FAM227A: variants seen among roughly 807,000 people sequenced by gnomAD.
The protein encoded by FAM227A is protein FAM227A.
Under a neutral mutation model 74.7 loss-of-function variants are expected in FAM227A, and 80 were observed. The observed-to-expected ratio is 1.07, with a 90% CI of 0.89 to 1.29. The LOEUF (loss-of-function observed/expected upper bound fraction) is 1.29. Among genes scored for constraint, FAM227A ranks in the 50% most tolerant of loss-of-function variants. The pLI, the probability that FAM227A is intolerant of heterozygous loss-of-function variation, is 0.00. For missense variants in FAM227A, 654 were observed against 683.4 expected, an observed-to-expected ratio of 0.96 and a Z score of 0.48; for synonymous variants, 237 against 241.8, an observed-to-expected ratio of 0.98 and a Z score of 0.19.
chr22:38,632,682 T>C (rs2091937148), intron 6 of FAM227A, among the ~76,000 whole-genome samples: 1 of 151,762 alleles, frequency 6.6e-6, no homozygotes, highest in Admixed American at 6.6e-5. Flanking sequence ...AGAACATGGG[T>C]GATAAAGGGG....
intron 13 of FAM227A, among the ~76,000 whole-genome samples, chr22:38,601,027 T>C (rs1290001721): frequency 1.3e-5 from 2 of 151,868 alleles, no homozygotes; most frequent in Admixed American, 1.3e-4. Flanking sequence ...AAAACGTTAA[T>C]AATTCATTCA....
intron 3 of FAM227A, among the ~76,000 whole-genome samples, chr22:38,642,912 G>A (rs2092146691): frequency 6.6e-6 from 1 of 151,966 alleles, no homozygotes; most frequent in Non-Finnish European, 1.5e-5. Flanking sequence ...CTCTAGCCTG[G>A]GTGACAGAGT....
rs1396714307 is a variant in FAM227A, at chr22:38,650,179, C to G, written c.-11G>C. On this transcript the variant is annotated 5_prime_UTR_variant, in exon 2 of 17. Coordinates refer to ENST00000535113, the MANE Select transcript of FAM227A (RefSeq NM_001013647.2). ...CCTGAAGTGATTCATTGTCCAATTT[C>G]TTGTAAATGGACAAACAAAAAGCTT... 6.4e-7 allele frequency: 1 copy of G among 1,550,858 alleles called. No individual in the cohort carries two copies.
At position 38,585,870 on chromosome 22, in the gene FAM227A, C is replaced by T; in HGVS notation, c.*255G>A. 1.3e-6 allele frequency: 1 copy of T among 775,492 alleles called. No homozygotes were observed. Among genetic ancestry groups the T allele is most frequent in the South Asian group, 2.2e-5 (1 of 46,184 alleles). 48.0% of individuals were successfully genotyped at this position (775,492 alleles called of 1,614,324 possible). On this transcript the variant is annotated 3_prime_UTR_variant, in exon 17 of 17. Transcript: ENST00000535113. The stretch of plus-strand genomic sequence containing the variant: ...TGTATGAGGTCATATTTGTAACATA[C>T]TTACCAGCATGCACGTAATAAAATA...
intron 3 of FAM227A, among the ~76,000 whole-genome samples, chr22:38,642,752 A>G (rs1435515376): frequency 6.6e-6 from 1 of 151,962 alleles, no homozygotes; most frequent in Non-Finnish European, 1.5e-5. Flanking sequence ...CCTGGCCAAC[A>G]TGGTGAAACC....
chr22:38,646,294 C>T (rs1293233225), intron 2 of FAM227A, among the ~76,000 whole-genome samples: 58 of 119,528 alleles, frequency 4.9e-4, no homozygotes, highest in African/African-American at 1.8e-3. Flanking sequence ...GAGTCTCGCT[C>T]TGTCGCCCAG....
chr22:38,622,872 T>TC (rs2091719973), intron 10 of FAM227A, among the ~76,000 whole-genome samples: 2 of 49,290 alleles, frequency 4.1e-5, no homozygotes, highest in Non-Finnish European at 6.5e-5. Context: ...CAAGACTGTC[T>TC]CAAAAAAAAA....
intron 1 of FAM227A, among the ~76,000 whole-genome samples, chr22:38,653,611 G>A (rs868498663): frequency 5.3e-5 from 8 of 151,932 alleles, no homozygotes; most frequent in Admixed American, 1.3e-4. Context: ...TCCTGACCTC[G>A]TGATCTGCCT....
chr22:38,587,359 T>G lies in FAM227A; in HGVS notation c.1639-1160A>C, dbSNP rs1039651971. On this transcript the variant is annotated intron_variant, in intron 16 of 16. Coordinates refer to ENST00000535113, the MANE Select transcript of FAM227A (RefSeq NM_001013647.2). Reference sequence around the variant, plus strand: ...TAGTTATCAACAAAATTAACAAACTTTGAGTTTGAATGACTACCAAGAAAA... The same window carrying G: ...TAGTTATCAACAAAATTAACAAACTGTGAGTTTGAATGACTACCAAGAAAA... Among the ~76,000 whole-genome samples, 3 of 152,038 alleles carry G rather than the reference T, an allele frequency of 2.0e-5. No homozygotes were observed. The South Asian group carries it at 6.2e-4, about 32-fold the overall frequency.
At position 38,645,578 on chromosome 22, in the gene FAM227A, C is replaced by A. The variant is rs368702090; in HGVS notation, c.210G>T (p.Pro70=). The A allele has an allele frequency of 1.3e-6, 2 of 1,551,256 alleles. No individual in the cohort carries two copies. Among genetic ancestry groups the A allele is most frequent in the Non-Finnish European group, 1.7e-6 (2 of 1,146,748 alleles). ...KIADINLRTE[P]SANSLAIERF... is the part of the protein sequence containing the mutation. ...GGTAACTCACCAGGCTGTTGGCCGA[C>A]GGCTCGGTACGCAGATTTATGTCAG... The change falls in exon 3 of 17, where the codon CCG becomes CCT. Residue 70 remains proline (P), a synonymous_variant. Coordinates refer to ENST00000535113, the MANE Select transcript of FAM227A (RefSeq NM_001013647.2).
chr22:38,591,567 G>GA (rs2090937300), intron 15 of FAM227A, 27 bp from the exon 16 acceptor site: 2 of 1,493,094 alleles, frequency 1.3e-6, no homozygotes, highest in Non-Finnish European at 1.8e-6. Flanking sequence ...GAGACATATG[G>GA]AAAAAGGCTG....
intron 5 of FAM227A, among the ~76,000 whole-genome samples, chr22:38,637,155 G>T (rs1245264059): frequency 6.6e-6 from 1 of 152,154 alleles, no homozygotes; most frequent in Non-Finnish European, 1.5e-5. Flanking sequence ...GGCTGACTTT[G>T]ATCGTTCTAA....
At chr22:38,626,012 G>A (rs566842400) in intron 9 of FAM227A, among the ~76,000 whole-genome samples, 168 bp downstream of exon 9, 1 of 149,320 alleles carries the variant, frequency 6.7e-6, no homozygotes, top group South Asian at 2.2e-4. Flanking sequence ...AGGAAAATTT[G>A]TATTCCTTGG....
intron 6 of FAM227A, among the ~76,000 whole-genome samples, chr22:38,631,126 C>A (rs747723658): frequency 6.6e-6 from 1 of 152,148 alleles, no homozygotes; most frequent in Non-Finnish European, 1.5e-5. Flanking sequence ...CGAGATTGCA[C>A]CACTCTACTC....
intron 16 of FAM227A, among the ~76,000 whole-genome samples, chr22:38,587,423 C>A (rs1390828183): frequency 6.6e-6 from 1 of 151,920 alleles, no homozygotes; most frequent in Non-Finnish European, 1.5e-5. Flanking sequence ...GATTACCGAC[C>A]TTACAGAAAT....
chr22:38,598,197 CAG>C (rs1240461177), intron 14 of FAM227A, among the ~76,000 whole-genome samples: 3 of 152,108 alleles, frequency 2.0e-5, no homozygotes, highest in Admixed American at 6.6e-5. Flanking sequence ...ATCTGTAAAA[CAG>C]AGATAATAAT....
At chr22:38,622,873 C>CAAAA (rs138871600) in intron 10 of FAM227A, among the ~76,000 whole-genome samples, 2 of 45,132 alleles carry the variant, frequency 4.4e-5, no homozygotes, top group Non-Finnish European at 8.4e-5. Context: ...AAGACTGTCT[C>CAAAA]AAAAAAAAAA....
chr22:38,613,317 A>AATATATC (rs2091489139), intron 11 of FAM227A, among the ~76,000 whole-genome samples: 1 of 83,312 alleles, frequency 1.2e-5, no homozygotes, highest in African/African-American at 5.4e-5. Flanking sequence ...TATAACATAT[A>AATATATC]ATATATATCA....
At chr22:38,587,582 C>A (rs1184879127) in intron 16 of FAM227A, among the ~76,000 whole-genome samples, 1 of 152,168 alleles carries the variant, frequency 6.6e-6, no homozygotes, top group East Asian at 1.9e-4. Flanking sequence ...AATCAATAAT[C>A]AAAAATCTCC....
Sources: allele counts gnomAD v4.1 joint callset (sites outside exome capture counted in the v4.1 genomes callset), GRCh38; gene constraint gnomAD v4.1.1; transcripts MANE v1.5; gene names NCBI Gene and HGNC (gene_info 2026-07-23, HGNC 2026-07-21).